GABRG3: variants seen among roughly 807,000 people sequenced by gnomAD.
The protein encoded by GABRG3 is gamma-aminobutyric acid receptor subunit gamma-3.
In GABRG3, 25 loss-of-function variants were observed where a neutral mutation model predicts 48.8. That is an observed-to-expected ratio of 0.51 (90% CI 0.37 to 0.72). The LOEUF (loss-of-function observed/expected upper bound fraction) is 0.72. GABRG3 is among the 30% of genes least tolerant of loss of function. The probability of loss-of-function intolerance (pLI) is 0.00; values close to 1 mark genes in which losing one functional copy is unlikely to be tolerated. For missense variants in GABRG3, 394 were observed against 577.9 expected (o/e 0.68, Z 3.26); for synonymous variants, 227 against 217.6 (o/e 1.04, Z -0.38).
chr15:27,375,042 G>T (rs544240617), intron 5 of GABRG3, among the ~76,000 whole-genome samples: 16 of 152,226 alleles, frequency 1.1e-4, no homozygotes, highest in Admixed American at 2.0e-4. Flanking sequence ...GATAATTTTG[G>T]GGGGGTGGGT....
chr15:27,184,373 G>GGA (rs1396374158), intron 3 of GABRG3, among the ~76,000 whole-genome samples: 1 of 152,128 alleles, frequency 6.6e-6, no homozygotes, highest in Non-Finnish European at 1.5e-5. Flanking sequence ...AGGCAAAAAG[G>GGA]GAGAGGGCAG....
At position 27,160,248 on chromosome 15, in the gene GABRG3, T is replaced by A. The variant is rs1887128619; in HGVS notation, c.270+133427T>A. ...GAGAGTTGTGCAAACATAGATCCAC[T>A]GCTTGTGGGTGAGTTCTGGGCCATC... On this transcript the variant is annotated intron_variant, in intron 3 of 9. Coordinates refer to ENST00000615808, the MANE Select transcript of GABRG3 (RefSeq NM_033223.5). Among the ~76,000 whole-genome samples, 3 of 152,168 alleles carry A rather than the reference T, an allele frequency of 2.0e-5. No individual in the cohort carries two copies. The South Asian group carries it at 6.2e-4, about 32-fold the overall frequency.
chr15:27,478,002 A>G (rs1283924122), intron 5 of GABRG3, among the ~76,000 whole-genome samples: 4 of 151,448 alleles, frequency 2.6e-5, no homozygotes, highest in Non-Finnish European at 4.4e-5. Flanking sequence ...CTGAGATCGC[A>G]CCACTGCACT....
chr15:27,230,064 A>G (rs1209025594), intron 3 of GABRG3, among the ~76,000 whole-genome samples: 1 of 151,996 alleles, frequency 6.6e-6, no homozygotes, highest in Non-Finnish European at 1.5e-5. Flanking sequence ...GTCTTCTCTG[A>G]TTTCTTTAAA....
At position 27,284,371 on chromosome 15, in the gene GABRG3, G is replaced by A. The variant is rs113357255; in HGVS notation, c.271-42438G>A. ...AATTTTAAAAATTCCCCAAATATTTGCCAAGTGACCCTTGATATCAGTGGC... is the reference window on the plus strand; with the variant it reads ...AATTTTAAAAATTCCCCAAATATTTACCAAGTGACCCTTGATATCAGTGGC... On this transcript the variant is annotated intron_variant, in intron 3 of 9. Coordinates refer to ENST00000615808, the MANE Select transcript of GABRG3 (RefSeq NM_033223.5). Among the ~76,000 whole-genome samples, 1,304 of 152,280 alleles carry A rather than the reference G, an allele frequency of 8.6e-3. 17 individuals carry two copies. The highest frequency in any genetic ancestry group is 0.03 in the African/African-American group (1,228 of 41,560).
In GABRG3 at chr15:27,540,560, CTA is replaced by C. The variant is rs1241879780; in HGVS notation, c.*7681_*7682del. The C allele has an allele frequency of 6.6e-6, 1 of 152,136 alleles. No homozygotes were observed. Among genetic ancestry groups the C allele is most frequent in the South Asian group, 2.1e-4 (1 of 4,830 alleles). The allele number at this position is 152,136 out of a possible 1,614,324, so 9.4% of individuals were successfully genotyped here. A position where few individuals can be genotyped will look rare whatever the true frequency, so the allele number is the denominator to read the frequency against. ...ATTATATGATCTCTGTTTAGAATAA[CTA>C]TTTTATTAAAACAGTCTAAAAGACA... On this transcript the variant is annotated 3_prime_UTR_variant, in exon 10 of 10. Transcript: ENST00000615808.
intron 5 of GABRG3, among the ~76,000 whole-genome samples, chr15:27,430,987 C>CTCAATCAA (rs1475164800): frequency 1.5e-5 from 2 of 132,354 alleles, no homozygotes; most frequent in African/African-American, 5.7e-5. Context: ...AAGTCCCTGT[C>CTCAATCAA]TCAATAAATA....
rs534856839 is a variant in GABRG3, at chr15:27,400,473, T to G, written c.574+71585T>G. Among the ~76,000 whole-genome samples the G allele has an allele frequency of 3.3e-5, 5 of 152,354 alleles. No homozygotes were observed. In the South Asian group the frequency reaches 1.0e-3, roughly 32 times the overall value. On this transcript the variant is annotated intron_variant, in intron 5 of 9. Transcript: ENST00000615808. ...CTTACCATTGAATAAGATACTATGC[T>G]TTGATGTTAAAAATTGATTAGTTCC...
At chr15:27,251,724 A>G (rs912526271) in intron 3 of GABRG3, among the ~76,000 whole-genome samples, 4 of 152,304 alleles carry the variant, frequency 2.6e-5, no homozygotes, top group African/African-American at 9.6e-5. Context: ...TGTAGCCTTT[A>G]TGTCTACACA....
intron 3 of GABRG3, among the ~76,000 whole-genome samples, chr15:27,080,676 AG>A (rs1271974326): frequency 2.6e-4 from 40 of 152,354 alleles, no homozygotes; most frequent in Admixed American, 2.5e-3. Flanking sequence ...CACACACTGG[AG>A]AATGAGTGAT....
Position 27,306,196 on chromosome 15 carries a change from T to C in GABRG3, c.271-20613T>C, listed in dbSNP as rs566201739. On this transcript the variant is annotated intron_variant, in intron 3 of 9. Transcript: ENST00000615808. ...ATATAAACATATAATATAAACATATTTATAATATAAACATATGTAATATAA... is the reference window on the plus strand; with the variant it reads ...ATATAAACATATAATATAAACATATCTATAATATAAACATATGTAATATAA... 5.2e-5 allele frequency among the ~76,000 whole-genome samples: 7 copies of C among 133,762 alleles called. 1 individual carries two copies. Among genetic ancestry groups the C allele is most frequent in the African/African-American group, 1.6e-4 (6 of 36,626 alleles). 87.8% of individuals were successfully genotyped at this position (133,762 alleles called of 152,430 possible).
At chr15:27,377,752 A>G (rs1895644183) in intron 5 of GABRG3, among the ~76,000 whole-genome samples, 1 of 152,204 alleles carries the variant, frequency 6.6e-6, no homozygotes, top group African/African-American at 2.4e-5. Flanking sequence ...AGGGAGCAGC[A>G]CCATCTACAT....
chr15:27,507,365 G>A (rs903468343), intron 6 of GABRG3, among the ~76,000 whole-genome samples: 3 of 152,038 alleles, frequency 2.0e-5, no homozygotes, highest in African/African-American at 4.8e-5. Flanking sequence ...TTAGCCAGGC[G>A]TGGTGGTGTG....
At chr15:27,023,142 G>T (rs1430417199) in intron 2 of GABRG3, among the ~76,000 whole-genome samples, 4 of 152,088 alleles carry the variant, frequency 2.6e-5, no homozygotes, top group African/African-American at 9.7e-5. Flanking sequence ...GAATGTATGG[G>T]ACTCAGTTCC....
At chr15:27,351,467 G>T (rs1171364439) in intron 5 of GABRG3, among the ~76,000 whole-genome samples, 3 of 144,060 alleles carry the variant, frequency 2.1e-5, no homozygotes, top group African/African-American at 7.9e-5. Context: ...GTTTGTGTGT[G>T]TATGTTTGTA....
chr15:27,494,603 A>G (rs1890437895), intron 6 of GABRG3, among the ~76,000 whole-genome samples: 1 of 152,174 alleles, frequency 6.6e-6, no homozygotes, highest in Non-Finnish European at 1.5e-5. Context: ...GGTTTATTTC[A>G]GCTAAGTTAC....
At chr15:27,356,814 G>T (rs766814380) in intron 5 of GABRG3, among the ~76,000 whole-genome samples, 9 of 152,260 alleles carry the variant, frequency 5.9e-5, no homozygotes, top group Non-Finnish European at 1.3e-4. Context: ...GATGGAAGGG[G>T]TTTCTTGATA....
At chr15:27,345,177 T>C (rs533105209) in intron 5 of GABRG3, among the ~76,000 whole-genome samples, 31 of 152,318 alleles carry the variant, frequency 2.0e-4, no homozygotes, top group East Asian at 3.9e-4. Flanking sequence ...TTATTTGACA[T>C]ATTTAGAGCA....
At chr15:27,306,429 A>G (rs1892452284) in intron 3 of GABRG3, among the ~76,000 whole-genome samples, 1 of 138,438 alleles carries the variant, frequency 7.2e-6, no homozygotes, top group Admixed American at 7.5e-5. Flanking sequence ...ACATGTAAAC[A>G]TATAATACGA....
Sources: gnomAD v4.1 joint callset for allele counts (sites outside exome capture counted in the v4.1 genomes callset) on GRCh38, gnomAD v4.1.1 for gene constraint, MANE v1.5 for transcripts, NCBI Gene and HGNC (gene_info 2026-07-23, HGNC 2026-07-21) for gene names.